SDK1: variants seen among roughly 807,000 people sequenced by gnomAD.
SDK1 encodes protein sidekick-1.
A neutral mutation model predicts 245.5 loss-of-function variants in SDK1; 157 were observed. The observed-to-expected ratio is 0.64, with a 90% confidence interval of 0.56 to 0.73. The LOEUF (loss-of-function observed/expected upper bound fraction) is 0.73, where lower values mean the gene tolerates loss of function less well. SDK1 is among the 30% of genes least tolerant of loss of function. SDK1 has a pLI of 0.00. For synonymous variants in SDK1, 1,647 were observed against 1,278.5 expected (o/e 1.29, Z -6.15); for missense variants, 3,583 against 3,002.3 (o/e 1.19, Z -4.52).
At chr7:3,733,357 T>C (rs1779232123) in intron 4 of SDK1, among the ~76,000 whole-genome samples, 1 of 152,214 alleles carries the variant, frequency 6.6e-6, no homozygotes, top group African/African-American at 2.4e-5. Context: ...AAATTATCTG[T>C]AGCGTCTCAT....
At chr7:3,660,187 C>A (rs532800708) in intron 4 of SDK1, among the ~76,000 whole-genome samples, 1 of 151,856 alleles carries the variant, frequency 6.6e-6, no homozygotes, top group East Asian at 1.9e-4. Flanking sequence ...AGAAGAGAAG[C>A]AACTGCTGAG....
intron 1 of SDK1, among the ~76,000 whole-genome samples, chr7:3,363,217 T>C (rs142690799): frequency 4.6e-5 from 7 of 152,354 alleles, no homozygotes; most frequent in Non-Finnish European, 8.8e-5. Flanking sequence ...GTTATATAAA[T>C]AGAATTATAC....
At chr7:3,345,286 C>T (rs1034909417) in intron 1 of SDK1, among the ~76,000 whole-genome samples, 13 of 152,062 alleles carry the variant, frequency 8.5e-5, no homozygotes, top group African/African-American at 3.1e-4. Context: ...TAAATAATAT[C>T]TTCAAAAGAA....
chr7:3,349,651 G>A (rs1367445989), intron 1 of SDK1, among the ~76,000 whole-genome samples: 5 of 152,174 alleles, frequency 3.3e-5, no homozygotes, highest in Non-Finnish European at 7.3e-5. Context: ...CCAGGCTGCA[G>A]TGCAGTGGTA....
chr7:3,901,652 G>A (rs551118955), intron 5 of SDK1, among the ~76,000 whole-genome samples: 1 of 152,152 alleles, frequency 6.6e-6, no homozygotes, highest in Non-Finnish European at 1.5e-5. Flanking sequence ...AATCTGTGTG[G>A]TAATACCTTG....
In SDK1 at chr7:3,648,895, C is replaced by T. The variant is rs549107501; in HGVS notation, c.713+6790C>T. Among the ~76,000 whole-genome samples, 6 of 152,222 alleles carry T rather than the reference C, an allele frequency of 3.9e-5. No homozygotes were observed. The South Asian group carries it at 1.2e-3, about 32-fold the overall frequency. ...TCCCTTTGCCTCCATTTTGCCATGT[C>T]GATGAAAAGGGTTTTCTAATCACTT... On this transcript the variant is annotated intron_variant, in intron 4 of 44. Coordinates refer to ENST00000404826, the MANE Select transcript of SDK1 (RefSeq NM_152744.4).
At chr7:3,593,211 T>C (rs1780940706) in intron 1 of SDK1, among the ~76,000 whole-genome samples, 1 of 152,208 alleles carries the variant, frequency 6.6e-6, no homozygotes, top group Admixed American at 6.5e-5. Flanking sequence ...CAGCAGCCCT[T>C]TTCTCAGCAC....
chr7:3,953,532 A>G (rs893344619), intron 7 of SDK1, among the ~76,000 whole-genome samples: 2 of 152,246 alleles, frequency 1.3e-5, no homozygotes, highest in Non-Finnish European at 2.9e-5. Flanking sequence ...TTCTAGGAGC[A>G]CAGCACATTA....
At chr7:3,465,983 G>T (rs75776654) in intron 1 of SDK1, among the ~76,000 whole-genome samples, 3,428 of 152,176 alleles carry the variant, frequency 0.023, 140 homozygotes, top group African/African-American at 0.078. Flanking sequence ...TGTTTTTCTG[G>T]AGTGATAAAG....
At chr7:3,728,621 T>A (rs1172459818) in intron 4 of SDK1, among the ~76,000 whole-genome samples, 1 of 152,212 alleles carries the variant, frequency 6.6e-6, no homozygotes, top group African/African-American at 2.4e-5. Context: ...TGTTTCTTTT[T>A]TTGAGACAGA....
intron 36 of SDK1, among the ~76,000 whole-genome samples, chr7:4,206,219 C>T (rs886733): frequency 0.029 from 4,424 of 152,288 alleles, 196 homozygotes; most frequent in African/African-American, 0.099. Context: ...CTGGCTGTGC[C>T]CACCACAAAA....
In SDK1 at chr7:3,489,910, G is replaced by T. The variant is rs1009129162; in HGVS notation, c.299-129170G>T. Among the ~76,000 whole-genome samples, 13 of 152,170 alleles carry T rather than the reference G, an allele frequency of 8.5e-5. 1 individual carries two copies. The highest frequency in any genetic ancestry group is 8.5e-4 in the Admixed American group (13 of 15,268). ...TGTCACTAATGAGTCCTGTCATGGA[G>T]AAATGATATTGCCAATTACACATAA... On this transcript the variant is annotated intron_variant, in intron 1 of 44. Transcript: ENST00000404826.
At chr7:3,993,386 G>C (rs1269450168) in intron 14 of SDK1, among the ~76,000 whole-genome samples, 1 of 152,118 alleles carries the variant, frequency 6.6e-6, no homozygotes, top group African/African-American at 2.4e-5. Flanking sequence ...ACCTGCTGTT[G>C]TATGTCTTGT....
intron 5 of SDK1, among the ~76,000 whole-genome samples, chr7:3,942,999 G>A (rs920553588): frequency 3.9e-5 from 6 of 152,188 alleles, no homozygotes; most frequent in African/African-American, 7.2e-5. Flanking sequence ...GGCCACGTGC[G>A]GGGAACGGCC....
intron 1 of SDK1, among the ~76,000 whole-genome samples, chr7:3,473,435 G>C (rs959102660): frequency 6.6e-6 from 1 of 152,184 alleles, no homozygotes; most frequent in Non-Finnish European, 1.5e-5. Context: ...GTAGATGTGT[G>C]TTTAGTGTAT....
chr7:4,012,213 G>C lies in SDK1; in HGVS notation c.2398G>C (p.Val800Leu), dbSNP rs771255866. The C allele has an allele frequency of 6.5e-7, 1 of 1,541,482 alleles. No homozygotes were observed. The highest frequency in any genetic ancestry group is 8.7e-7 in the Non-Finnish European group (1 of 1,146,114). Residue 800 changes from valine (V) to leucine (L), a missense_variant, in exon 16 of 45, where the codon GTG (valine) becomes CTG (leucine). Val to Leu is a conservative substitution (Grantham distance 32, BLOSUM62 1). Transcript: ENST00000404826. ...QPPPETEHNG[V>L]LRGYILRYRL... ...ACCCCCAGAAACAGAGCACAACGGGGTGTTGCGTGGATACATCCTCAGGCA... is the reference window on the plus strand; with the variant it reads ...ACCCCCAGAAACAGAGCACAACGGGCTGTTGCGTGGATACATCCTCAGGCA...
chr7:3,559,464 T>G (rs1238167261), intron 1 of SDK1, among the ~76,000 whole-genome samples: 3 of 152,150 alleles, frequency 2.0e-5, no homozygotes, highest in Non-Finnish European at 2.9e-5. Context: ...TGGAGAAAGA[T>G]GAATGTTTCA....
chr7:4,239,664 G>A (rs1021225728), intron 42 of SDK1, among the ~76,000 whole-genome samples: 2 of 152,262 alleles, frequency 1.3e-5, no homozygotes, highest in Admixed American at 6.5e-5. Context: ...CACGGCGCCC[G>A]GCCTATGGCC....
Position 3,979,715 on chromosome 7 carries a change from C to T in SDK1, c.1994+5170C>T, listed in dbSNP as rs542834151. Among the ~76,000 whole-genome samples, 37 of 152,290 alleles carry T rather than the reference C, an allele frequency of 2.4e-4. No homozygotes were observed. In the South Asian group the frequency reaches 4.8e-3, roughly 20 times the overall value. ...TGGTCACCCCTTGTTTTAGTAGCGT[C>T]TTTGCTCTAGTTTTCTAGTGCCATG... is the stretch of plus-strand genomic sequence containing the variant. On this transcript the variant is annotated intron_variant, in intron 13 of 44. Coordinates refer to ENST00000404826, the MANE Select transcript of SDK1 (RefSeq NM_152744.4).
Sources: allele counts gnomAD v4.1 joint callset (sites outside exome capture counted in the v4.1 genomes callset), GRCh38; gene constraint gnomAD v4.1.1; transcripts MANE v1.5; gene names NCBI Gene and HGNC (gene_info 2026-07-23, HGNC 2026-07-21).